Variants in SDCCAG8 observed in about 807,000 individuals in gnomAD.
SDCCAG8 encodes serologically defined colon cancer antigen 8.
Under a neutral mutation model 101.8 loss-of-function variants are expected in SDCCAG8, and 74 were observed. The observed-to-expected ratio is 0.73, with a 90% CI of 0.60 to 0.88. The LOEUF (loss-of-function observed/expected upper bound fraction) is 0.88, where lower values mean the gene tolerates loss of function less well. SDCCAG8 is among the 40% of genes least tolerant of loss of function. The probability of loss-of-function intolerance (pLI) is 0.00; values close to 1 mark genes in which losing one functional copy is unlikely to be tolerated. For missense variants in SDCCAG8, 787 were observed against 822.6 expected (o/e 0.96, Z 0.53); for synonymous variants, 281 against 292.9 (o/e 0.96, Z 0.41).
intron 17 of SDCCAG8, among the ~76,000 whole-genome samples, chr1:243,498,451 C>T (rs531046894): frequency 6.6e-6 from 1 of 152,234 alleles, no homozygotes; most frequent in Admixed American, 6.5e-5. Flanking sequence ...GGCAGGTTTA[C>T]GAGGAGGAGT....
At chr1:243,322,468 C>G (rs1018649940) in intron 9 of SDCCAG8, among the ~76,000 whole-genome samples, 1 of 152,182 alleles carries the variant, frequency 6.6e-6, no homozygotes, top group African/African-American at 2.4e-5. Flanking sequence ...ATTGCACATG[C>G]CTGGACTACA....
chr1:243,316,621 G>A, intron 8 of SDCCAG8, 134 bp from the exon 9 acceptor site: 1 of 1,038,378 alleles, frequency 9.6e-7, no homozygotes, highest in South Asian at 1.4e-5. Flanking sequence ...TCTCTGGGGT[G>A]TGCTTTATTT....
At chr1:243,258,099 G>A (rs1369456386) in intron 1 of SDCCAG8, among the ~76,000 whole-genome samples, 1 of 151,866 alleles carries the variant, frequency 6.6e-6, no homozygotes, top group Non-Finnish European at 1.5e-5. Flanking sequence ...AAATTAGTTT[G>A]AAATAAAATT....
intron 4 of SDCCAG8, among the ~76,000 whole-genome samples, chr1:243,277,729 G>A (rs2068695584): frequency 6.6e-6 from 1 of 151,834 alleles, no homozygotes; most frequent in African/African-American, 2.4e-5. Context: ...ACCAAATCCA[G>A]GTTCACTATA....
At chr1:243,482,200 C>G (rs1297378416) in intron 16 of SDCCAG8, among the ~76,000 whole-genome samples, 1 of 152,248 alleles carries the variant, frequency 6.6e-6, no homozygotes, top group Non-Finnish European at 1.5e-5. Context: ...CCAGCCCACT[C>G]AGCTCTATAA....
In SDCCAG8 at chr1:243,474,643, G is replaced by C. The variant is rs1470112350; in HGVS notation, c.1986-14371G>C. 6.6e-6 allele frequency among the ~76,000 whole-genome samples: 1 copy of C among 152,226 alleles called. No individual in the cohort carries two copies. The highest frequency in any genetic ancestry group is 2.1e-4 in the South Asian group (1 of 4,822). The stretch of plus-strand genomic sequence containing the variant: ...GCCCGAGAGCAGGTGCTGGCGTGCG[G>C]GAGGCGCACGTGGAGCCCTGCGGTC... On this transcript the variant is annotated intron_variant, in intron 16 of 17. Transcript: ENST00000366541. This position sits in a 1 kb window ranked among gnomAD's most constrained non-coding sequence, Gnocchi z 4.7.
intron 6 of SDCCAG8, among the ~76,000 whole-genome samples, chr1:243,302,988 A>G (rs1335203877): frequency 6.6e-6 from 1 of 152,252 alleles, no homozygotes; most frequent in Non-Finnish European, 1.5e-5. Flanking sequence ...AATGTGGTGC[A>G]TGACTTTATA....
intron 12 of SDCCAG8, among the ~76,000 whole-genome samples, chr1:243,369,349 C>T (rs2077161732): frequency 6.6e-6 from 1 of 152,120 alleles, no homozygotes; most frequent in South Asian, 2.1e-4. Context: ...ATGAAAGGTA[C>T]ACATGTACTG....
At chr1:243,340,949 A>T (rs1040264259) in intron 10 of SDCCAG8, 90 bp from the exon 11 acceptor site, 1 of 1,322,126 alleles carries the variant, frequency 7.6e-7, no homozygotes, top group Non-Finnish European at 1.1e-6. Flanking sequence ...GAGCCCAGTG[A>T]CTATGCTGAG....
intron 12 of SDCCAG8, among the ~76,000 whole-genome samples, chr1:243,361,776 A>G (rs564810319): frequency 2.0e-5 from 3 of 152,322 alleles, no homozygotes; most frequent in African/African-American, 7.2e-5. Flanking sequence ...CTACTAATGT[A>G]TACTCTGTTA....
chr1:243,487,993 A>C (rs1411663275), intron 16 of SDCCAG8: 4 of 152,468 alleles, frequency 2.6e-5, no homozygotes, highest in African/African-American at 9.7e-5. Flanking sequence ...AGCCGTGGGG[A>C]AATGGGAGGG....
At chr1:243,304,971 C>G (rs528341097) in intron 7 of SDCCAG8, 194 bp downstream of exon 7, 1 of 576,272 alleles carries the variant, frequency 1.7e-6, no homozygotes, top group East Asian at 3.0e-5. Flanking sequence ...ATCACGTTCC[C>G]ATTTCTTCAT....
chr1:243,283,766 A>C (rs2069304193), intron 4 of SDCCAG8, among the ~76,000 whole-genome samples: 1 of 152,126 alleles, frequency 6.6e-6, no homozygotes, highest in African/African-American at 2.4e-5. Context: ...TTTGAGACGG[A>C]GTCTCACTCT....
intron 12 of SDCCAG8, among the ~76,000 whole-genome samples, chr1:243,355,441 G>A (rs1057496260): frequency 6.6e-6 from 1 of 152,098 alleles, no homozygotes; most frequent in Non-Finnish European, 1.5e-5. Flanking sequence ...ATTAAAGTGC[G>A]AGGGGACGCT....
chr1:243,449,413 A>G (rs184490437), intron 16 of SDCCAG8, among the ~76,000 whole-genome samples: 10 of 152,372 alleles, frequency 6.6e-5, no homozygotes, highest in African/African-American at 2.2e-4. Context: ...TTTTTAAAAA[A>G]TCAGCTAAAT....
At chr1:243,356,685 T>G (rs2076403586) in intron 12 of SDCCAG8, among the ~76,000 whole-genome samples, 1 of 152,034 alleles carries the variant, frequency 6.6e-6, no homozygotes, top group Non-Finnish European at 1.5e-5. Context: ...CCACTGCTGA[T>G]TGTCGAAAAT....
chr1:243,380,415 C>G (rs1042713395), intron 13 of SDCCAG8, among the ~76,000 whole-genome samples: 1 of 152,164 alleles, frequency 6.6e-6, no homozygotes, highest in Non-Finnish European at 1.5e-5. Flanking sequence ...AATAGGACAG[C>G]TTTTAATGTC....
chr1:243,495,677 G>A (rs1574438711), intron 17 of SDCCAG8, among the ~76,000 whole-genome samples: 1 of 152,198 alleles, frequency 6.6e-6, no homozygotes, highest in East Asian at 1.9e-4. Flanking sequence ...CGGCTCTGTA[G>A]AGGAGTGCTC....
intron 1 of SDCCAG8, among the ~76,000 whole-genome samples, chr1:243,258,754 A>G (rs1370166167): frequency 6.6e-6 from 1 of 152,142 alleles, no homozygotes; most frequent in Non-Finnish European, 1.5e-5. Flanking sequence ...ACAATGCTGG[A>G]GTTATGTGGA....
Sources: allele counts gnomAD v4.1 joint callset (sites outside exome capture counted in the v4.1 genomes callset), GRCh38; gene constraint gnomAD v4.1.1; non-coding constraint Gnocchi (gnomAD v3.1); transcripts MANE v1.5; gene names NCBI Gene and HGNC (gene_info 2026-07-23, HGNC 2026-07-21).